The following GREB1 variants were observed in gnomAD, a reference collection of about 807,000 sequenced individuals.
GREB1 encodes protein GREB1.
GREB1 carries 106 observed loss-of-function variants against 200.7 expected under a neutral mutation model. The ratio of observed to expected loss-of-function variants is 0.53; its 90% CI spans 0.45 to 0.62. GREB1 has a LOEUF of 0.62. Among genes scored for constraint, GREB1 ranks in the 20% least tolerant of loss-of-function variants. GREB1 has a pLI of 0.00. For missense variants in GREB1, 2,243 were observed against 2,556.8 expected, an observed-to-expected ratio of 0.88 and a Z score of 2.65; for synonymous variants, 1,132 against 1,092.4, an observed-to-expected ratio of 1.04 and a Z score of -0.72.
intron 1 of GREB1, chr2:11,517,580 G>A (rs377239614): frequency 3.3e-5 from 5 of 152,240 alleles, no homozygotes; most frequent in East Asian, 1.9e-4. Flanking sequence ...TGGCTATGAG[G>A]TGTGGGAGCC....
chr2:11,578,558 A>T, intron 6 of GREB1, 127 bp downstream of exon 6: 1 of 906,272 alleles, frequency 1.1e-6, no homozygotes, highest in Non-Finnish European at 1.6e-6. Context: ...TTTTTCTATA[A>T]CACCTTTACT....
At chr2:11,588,216 A>C (rs933384619) in intron 9 of GREB1, 2 of 903,078 alleles carry the variant, frequency 2.2e-6, no homozygotes, top group African/African-American at 1.8e-5. Flanking sequence ...GGACAGAGCA[A>C]GACACTGTCT....
chr2:11,607,439 T>A (rs2148282885), intron 17 of GREB1, among the ~76,000 whole-genome samples: 1 of 102,406 alleles, frequency 9.8e-6, no homozygotes, highest in Non-Finnish European at 2.4e-5. Context: ...TGTGTGTGTG[T>A]GTGTGTGTGT....
rs1558610075 is a variant in GREB1, at chr2:11,597,653, C to G, written c.1955-128C>G. The G allele has an allele frequency of 5.1e-6, 4 of 784,136 alleles. No homozygotes were observed. The highest frequency in any genetic ancestry group is 8.7e-6 in the Non-Finnish European group (4 of 457,428). 48.6% of individuals were successfully genotyped at this position (784,136 alleles called of 1,614,324 possible). A position where few individuals can be genotyped will look rare whatever the true frequency, so the allele number is the denominator to read the frequency against. On this transcript the variant is annotated intron_variant, in intron 13 of 32. Coordinates refer to ENST00000381486, the MANE Select transcript of GREB1 (RefSeq NM_014668.4). This position sits in a 1 kb window ranked among gnomAD's most constrained non-coding sequence, Gnocchi z 4.1. ...GGGACTTGATAAACGTGAGTTATTC[C>G]CCTTTCCCTCATCGCTTTGTGAATG...
chr2:11,489,205 C>G (rs867496193), intron 1 of GREB1, among the ~76,000 whole-genome samples: 1 of 152,190 alleles, frequency 6.6e-6, no homozygotes, highest in African/African-American at 2.4e-5. Flanking sequence ...GTAATCCCAG[C>G]ACTTTAGGAG....
intron 4 of GREB1, among the ~76,000 whole-genome samples, chr2:11,576,031 T>C (rs2148032809): frequency 6.6e-6 from 1 of 152,312 alleles, no homozygotes; most frequent in Middle Eastern, 3.4e-3. Flanking sequence ...GTGCTTGCCT[T>C]GTGGCGTTCT....
intron 2 of GREB1, among the ~76,000 whole-genome samples, chr2:11,560,615 C>T (rs1195579290): frequency 1.3e-5 from 2 of 151,838 alleles, no homozygotes; most frequent in Admixed American, 6.6e-5. Context: ...GCAGGAGAAT[C>T]GCTTGAACCC....
chr2:11,589,318 C>G (rs991743635), intron 10 of GREB1, among the ~76,000 whole-genome samples: 1 of 152,102 alleles, frequency 6.6e-6, no homozygotes, highest in Admixed American at 6.5e-5. Flanking sequence ...CAGTTTAGGT[C>G]ATGAAGAAAG....
intron 24 of GREB1, among the ~76,000 whole-genome samples, chr2:11,626,681 C>T (rs916052562): frequency 2.6e-5 from 4 of 152,194 alleles, no homozygotes; most frequent in African/African-American, 9.7e-5. Context: ...TGTTGTATAG[C>T]GGATCTTTAC....
chr2:11,560,463 G>A (rs1676893523), intron 2 of GREB1, among the ~76,000 whole-genome samples: 1 of 152,166 alleles, frequency 6.6e-6, no homozygotes, highest in Non-Finnish European at 1.5e-5. Context: ...CACTTTGGGA[G>A]GCCGAGGCGG....
At chr2:11,610,522 A>C (rs578240259) in intron 17 of GREB1, among the ~76,000 whole-genome samples, 166 bp from the exon 18 acceptor site, 4 of 152,268 alleles carry the variant, frequency 2.6e-5, no homozygotes, top group Non-Finnish European at 5.9e-5. Flanking sequence ...TTGATTTCTA[A>C]AGAAGGCTTC....
chr2:11,519,950 C>A (rs1278459689), intron 1 of GREB1, among the ~76,000 whole-genome samples: 3 of 152,138 alleles, frequency 2.0e-5, no homozygotes, highest in Non-Finnish European at 4.4e-5. Flanking sequence ...GCAGCCTGGG[C>A]AACATGGCCA....
In GREB1 at chr2:11,585,267, T is replaced by A; in HGVS notation, c.1008T>A (p.Ala336=). The A allele has an allele frequency of 6.6e-7, 1 of 1,519,018 alleles. No homozygotes were observed. Among genetic ancestry groups the A allele is most frequent in the South Asian group, 1.3e-5 (1 of 77,640 alleles). The allele number at this position is 1,519,018 out of a possible 1,614,324, so 94.1% of individuals were successfully genotyped here. ...GCCCCCAAGGTGGTGGGAACAGAGC[T>A]AAGTATGGTAAGTGATGGCAGCCTT... ...GGCPQGGGNR[A]KYESAGMSCV... is the part of the protein sequence containing the mutation. The change falls in exon 8 of 33, where the codon GCT becomes GCA. Residue 336 remains alanine, a synonymous_variant. Transcript: ENST00000381486.
intron 1 of GREB1, among the ~76,000 whole-genome samples, chr2:11,523,396 GAA>G (rs1572587677): frequency 6.6e-6 from 1 of 151,988 alleles, no homozygotes; most frequent in African/African-American, 2.4e-5. Context: ...GTTAAAAAAA[GAA>G]AAAATATCAT....
chr2:11,592,932 T>C lies in GREB1; in HGVS notation c.1502T>C (p.Leu501Pro). ...SAAAPVTSAQ[L>P]PWLASLAASS... is the part of the protein sequence containing the mutation. ...GCGGCACCCGTGACCTCCGCGCAGC[T>C]GCCCTGGCTGGCCAGCCTGGCCGCC... The change falls in exon 11 of 33, where the codon CTG becomes CCG. Residue 501 changes from leucine to proline, a missense_variant. This residue lies in a region of GREB1 where 1,178 missense variants were observed against 1,387.4 expected (regional missense o/e 0.85). Coordinates refer to ENST00000381486, the MANE Select transcript of GREB1 (RefSeq NM_014668.4). 6.3e-7 allele frequency: 1 copy of C among 1,585,092 alleles called. No homozygotes were observed. Among genetic ancestry groups the C allele is most frequent in the Non-Finnish European group, 8.6e-7 (1 of 1,164,938 alleles).
chr2:11,614,774 A>G (rs914984281), intron 19 of GREB1, among the ~76,000 whole-genome samples: 10 of 152,274 alleles, frequency 6.6e-5, no homozygotes, highest in South Asian at 2.1e-4. Flanking sequence ...CGTGTTAGCC[A>G]GGATGGTCTC....
intron 22 of GREB1, 98 bp downstream of exon 22, chr2:11,619,017 C>T: frequency 8.8e-7 from 1 of 1,142,122 alleles, no homozygotes. Context: ...CCCACGTCTT[C>T]ACTTTTCACC....
intron 12 of GREB1, 59 bp downstream of exon 12, chr2:11,595,438 G>T (rs1451336111): frequency 4.5e-6 from 7 of 1,553,608 alleles, no homozygotes; most frequent in Non-Finnish European, 6.2e-6. Flanking sequence ...AATCAGTGCC[G>T]GGGGAGGTCA....
In GREB1 at chr2:11,580,452, G is replaced by T. The variant is rs1472998566; in HGVS notation, c.773-252G>T. On this transcript the variant is annotated intron_variant, in intron 6 of 32. Coordinates refer to ENST00000381486, the MANE Select transcript of GREB1 (RefSeq NM_014668.4). The surrounding 1 kb of genome is among the most constrained non-coding windows in gnomAD (Gnocchi z 4.5). ...CATGTGTATGTGTGTACATGTTTGT[G>T]CATGTGTATCCTTGTGTGTAGGCAG... Among the ~76,000 whole-genome samples, 2 of 152,180 alleles carry T rather than the reference G, an allele frequency of 1.3e-5. No homozygotes were observed. The highest frequency in any genetic ancestry group is 2.9e-5 in the Non-Finnish European group (2 of 68,030).
Sources: gnomAD v4.1 joint callset for allele counts (sites outside exome capture counted in the v4.1 genomes callset) on GRCh38, gnomAD v4.1.1 for gene constraint, gnomAD v4.1.1 regional missense constraint, Gnocchi (gnomAD v3.1) non-coding constraint, MANE v1.5 for transcripts, NCBI Gene and HGNC (gene_info 2026-07-23, HGNC 2026-07-21) for gene names.